The following DLGAP1 variants were observed in gnomAD, a reference collection of about 807,000 sequenced individuals.
DLGAP1 encodes the protein DLG associated protein 1.
Under a neutral mutation model 90.8 loss-of-function variants are expected in DLGAP1, and 11 were observed. The observed-to-expected ratio is 0.12, with a 90% CI of 0.08 to 0.20. DLGAP1 has a LOEUF of 0.20. Ranked by LOEUF, DLGAP1 falls within the 10% of genes least tolerant of loss-of-function variation. The pLI is 1.00. For synonymous variants in DLGAP1, 558 were observed against 540.7 expected, an observed-to-expected ratio of 1.03 and a Z score of -0.44; for missense variants, 1,050 against 1,333.8, an observed-to-expected ratio of 0.79 and a Z score of 3.31.
intron 5 of DLGAP1, among the ~76,000 whole-genome samples, chr18:3,776,374 T>G (rs140454779): frequency 1.6e-3 from 243 of 152,320 alleles, no homozygotes; most frequent in African/African-American, 5.8e-3. Context: ...CTTCTGTGTT[T>G]GTACAGCCCC....
At chr18:3,569,815 T>C (rs2054660768) in intron 8 of DLGAP1, among the ~76,000 whole-genome samples, 1 of 152,106 alleles carries the variant, frequency 6.6e-6, no homozygotes, top group Middle Eastern at 3.4e-3. Context: ...TATTTCCCCA[T>C]ACATTCTCAT....
intron 2 of DLGAP1, among the ~76,000 whole-genome samples, chr18:4,106,989 C>T (rs926688639): frequency 1.3e-5 from 2 of 152,194 alleles, no homozygotes; most frequent in African/African-American, 4.8e-5. Context: ...TGAACGTTCT[C>T]GTCACATTCT....
intron 7 of DLGAP1, among the ~76,000 whole-genome samples, chr18:3,715,503 G>A (rs1466503233): frequency 1.3e-5 from 2 of 152,170 alleles, no homozygotes; most frequent in Non-Finnish European, 2.9e-5. Context: ...CTCTTTTAGC[G>A]TAGGTTTGTC....
At chr18:4,429,133 T>C (rs1567914954) in intron 1 of DLGAP1, among the ~76,000 whole-genome samples, 1 of 152,234 alleles carries the variant, frequency 6.6e-6, no homozygotes, top group African/African-American at 2.4e-5. Flanking sequence ...TAGGTCAGTA[T>C]ATGAAATTCT....
At chr18:3,521,742 C>T (rs1599036781) in intron 10 of DLGAP1, among the ~76,000 whole-genome samples, 1 of 152,204 alleles carries the variant, frequency 6.6e-6, no homozygotes, top group East Asian at 1.9e-4. Context: ...AATGTGAGCT[C>T]TTTGATGGCC....
intron 7 of DLGAP1, among the ~76,000 whole-genome samples, chr18:3,644,938 A>G (rs746023635): frequency 5.9e-5 from 9 of 152,000 alleles, no homozygotes; most frequent in African/African-American, 2.2e-4. Flanking sequence ...ATAGTGTACT[A>G]TCCTTTGGGT....
intron 1 of DLGAP1, among the ~76,000 whole-genome samples, chr18:4,356,085 G>A (rs1173495330): frequency 2.0e-5 from 3 of 151,706 alleles, no homozygotes; most frequent in South Asian, 2.1e-4. Flanking sequence ...GCCCAATACC[G>A]CCTTGACAGC....
chr18:3,829,793 ATACAATTACTTTACTGCAACACCTAGAT>A (rs1166185734), intron 4 of DLGAP1, among the ~76,000 whole-genome samples: 3 of 152,292 alleles, frequency 2.0e-5, no homozygotes, highest in African/African-American at 7.2e-5. Flanking sequence ...AACCACGTGT[ATACAATTACTTTACTGCAACACCTAGAT>A]TAGGGTTTGA....
At chr18:4,095,317 AT>A (rs2075659265) in intron 2 of DLGAP1, among the ~76,000 whole-genome samples, 1 of 152,098 alleles carries the variant, frequency 6.6e-6, no homozygotes, top group Admixed American at 6.5e-5. Context: ...TCAGGTACAC[AT>A]TTTTTCACTT....
intron 1 of DLGAP1, among the ~76,000 whole-genome samples, chr18:4,212,427 A>G (rs910668338): frequency 1.3e-5 from 2 of 151,666 alleles, no homozygotes; most frequent in African/African-American, 4.8e-5. Flanking sequence ...GCAATTTGGG[A>G]GGCTGAGGTG....
At chr18:4,142,963 A>G (rs2076520332) in intron 2 of DLGAP1, among the ~76,000 whole-genome samples, 1 of 152,036 alleles carries the variant, frequency 6.6e-6, no homozygotes, top group African/African-American at 2.4e-5. Context: ...TTTCTCCCAA[A>G]CAAACAGAGT....
intron 3 of DLGAP1, among the ~76,000 whole-genome samples, chr18:4,003,027 C>T (rs1244688901): frequency 6.6e-6 from 1 of 152,194 alleles, no homozygotes; most frequent in Non-Finnish European, 1.5e-5. Flanking sequence ...TACTAGGCTA[C>T]AGGACAGTCA....
chr18:3,651,738 C>T (rs537934874), intron 7 of DLGAP1, among the ~76,000 whole-genome samples: 8 of 152,022 alleles, frequency 5.3e-5, no homozygotes, highest in East Asian at 1.9e-4. Flanking sequence ...TTTGGGAGGC[C>T]GAGGTGGGTG....
At chr18:3,564,229 A>G (rs527377053) in intron 9 of DLGAP1, among the ~76,000 whole-genome samples, 16 of 152,308 alleles carry the variant, frequency 1.1e-4, no homozygotes, top group Admixed American at 5.9e-4. Context: ...AAAGTGCTCT[A>G]CAGTTCTATG....
intron 1 of DLGAP1, among the ~76,000 whole-genome samples, chr18:4,265,136 C>CTTCCTTCCT: frequency 7.7e-6 from 1 of 129,532 alleles, no homozygotes; most frequent in African/African-American, 3.4e-5. Flanking sequence ...CCTTCCTTTC[C>CTTCCTTCCT]TCCCTCCCTC....
At chr18:4,213,098 T>C (rs188905961) in intron 1 of DLGAP1, among the ~76,000 whole-genome samples, 1 of 152,180 alleles carries the variant, frequency 6.6e-6, no homozygotes, top group Non-Finnish European at 1.5e-5. Flanking sequence ...GTACAAAGCA[T>C]GAAATTAGAC....
intron 4 of DLGAP1, among the ~76,000 whole-genome samples, chr18:3,877,501 A>G (rs902644305): frequency 3.9e-5 from 6 of 152,144 alleles, no homozygotes; most frequent in African/African-American, 1.2e-4. Context: ...TGGTCATAGA[A>G]CCTTCGCAGA....
chr18:3,644,072 AAAT>A (rs2059035338), intron 7 of DLGAP1, among the ~76,000 whole-genome samples: 1 of 152,216 alleles, frequency 6.6e-6, no homozygotes, highest in South Asian at 2.1e-4. Flanking sequence ...ATATAAGTGG[AAAT>A]AATGTTTGTC....
intron 5 of DLGAP1, among the ~76,000 whole-genome samples, chr18:3,797,838 T>C (rs1161494267): frequency 6.6e-6 from 1 of 152,196 alleles, no homozygotes; most frequent in African/African-American, 2.4e-5. Context: ...TCATCTTGAA[T>C]AGTAGCTCCC....
Sources: allele counts gnomAD v4.1 joint callset (sites outside exome capture counted in the v4.1 genomes callset), GRCh38; gene constraint gnomAD v4.1.1; transcripts MANE v1.5; gene names NCBI Gene and HGNC (gene_info 2026-07-23, HGNC 2026-07-21).